MYO15A: variants seen among roughly 807,000 people sequenced by gnomAD.
The protein encoded by MYO15A is unconventional myosin-XV.
A neutral mutation model predicts 394.6 loss-of-function variants in MYO15A; 308 were observed. The observed-to-expected ratio is 0.78, with a 90% CI of 0.71 to 0.86. MYO15A has a LOEUF of 0.86. MYO15A is among the 40% of genes least tolerant of loss of function. The pLI, the probability that MYO15A is intolerant of heterozygous loss-of-function variation, is 0.00. For missense variants in MYO15A, 4,606 were observed against 4,799.1 expected, an observed-to-expected ratio of 0.96 and a Z score of 1.19; for synonymous variants, 1,957 against 2,003.8, an observed-to-expected ratio of 0.98 and a Z score of 0.62.
Position 18,173,867 on chromosome 17 carries a change from G to A in MYO15A, c.10437G>A (p.Glu3479=). ...PTANSSYPYV[E]IALGDVAAQR... ...CCAACTCCAGCTACCCCTATGTGGAGATTGCGCTGGGGGACGTGGCGGCCC... is the reference window on the plus strand; with the variant it reads ...CCAACTCCAGCTACCCCTATGTGGAAATTGCGCTGGGGGACGTGGCGGCCC... The change falls in exon 65 of 66, where the codon GAG becomes GAA. Residue 3479 remains glutamate (E), a synonymous_variant. Coordinates refer to ENST00000647165, the MANE Select transcript of MYO15A (RefSeq NM_016239.4). 1.2e-6 allele frequency: 2 copies of A among 1,613,212 alleles called. No individual in the cohort carries two copies. The highest frequency in any genetic ancestry group is 1.7e-6 in the Non-Finnish European group (2 of 1,179,472).
chr17:18,113,455 A>G (rs1567613522), intron 1 of MYO15A, among the ~76,000 whole-genome samples: 1 of 152,190 alleles, frequency 6.6e-6, no homozygotes, highest in Non-Finnish European at 1.5e-5. Flanking sequence ...TATGGAAATA[A>G]AAAAGCAAAC....
intron 29 of MYO15A, among the ~76,000 whole-genome samples, chr17:18,145,320 G>C (rs964519593): frequency 1.3e-5 from 2 of 151,988 alleles, no homozygotes; most frequent in Non-Finnish European, 2.9e-5. Flanking sequence ...GGGCTGCATG[G>C]GGAGCTCTAG....
intron 64 of MYO15A, chr17:18,173,535 CA>C (rs1205400457): frequency 3.6e-6 from 2 of 562,670 alleles, no homozygotes; most frequent in African/African-American, 3.8e-5. Flanking sequence ...GCACTTAGAA[CA>C]GTGCCTGGTA....
At position 18,132,573 on chromosome 17, in the gene MYO15A, G is replaced by A. The variant is rs1390103410; in HGVS notation, c.4320+7G>A. 4.4e-6 allele frequency: 7 copies of A among 1,608,552 alleles called. No individual in the cohort carries two copies. Among genetic ancestry groups the A allele is most frequent in the Non-Finnish European group, 5.9e-6 (7 of 1,179,130 alleles). ...CTACTACTATCTGAACCAGGTGAGTGCCAGCAGGCATCTGAAGGCCCCTGG... is the reference window on the plus strand; with the variant it reads ...CTACTACTATCTGAACCAGGTGAGTACCAGCAGGCATCTGAAGGCCCCTGG... On this transcript the variant is annotated splice_region_variant and intron_variant, in intron 11 of 65. Coordinates refer to ENST00000647165, the MANE Select transcript of MYO15A (RefSeq NM_016239.4). The surrounding 1 kb of genome is among the most constrained non-coding windows in gnomAD (Gnocchi z 4.6).
In MYO15A at chr17:18,119,289, G is replaced by A. The variant is rs759017151; in HGVS notation, c.489G>A (p.Ser163=). Reference sequence around the variant, plus strand: ...CAGTGGACGCCTGGCTGCAGCGCTCGAGCTCCCGCATGGGCTCCCGCAAAC... The same window carrying A: ...CAGTGGACGCCTGGCTGCAGCGCTCAAGCTCCCGCATGGGCTCCCGCAAAC... ...QATVDAWLQR[S]SSRMGSRKLP... The change falls in exon 2 of 66, where the codon TCG becomes TCA. Residue 163 remains serine (S), a synonymous_variant. Transcript: ENST00000647165. 1.1e-5 allele frequency: 17 copies of A among 1,611,608 alleles called. No homozygotes were observed. Among genetic ancestry groups the A allele is most frequent in the Middle Eastern group, 1.6e-4 (1 of 6,082 alleles).
intron 13 of MYO15A, 88 bp from the exon 14 acceptor site, chr17:18,136,329 C>T: frequency 6.6e-7 from 1 of 1,519,658 alleles, no homozygotes; most frequent in Admixed American, 1.7e-5. Context: ...CCTCCCTTCT[C>T]CATGATCCCA....
intron 12 of MYO15A, 46 bp from the exon 13 acceptor site, chr17:18,135,657 CTTTAAATT>C: frequency 1.3e-6 from 2 of 1,555,498 alleles, no homozygotes. Context: ...TTCATATGAA[CTTTAAATT>C]TAGCCTATCT....
At chr17:18,160,337 T>G (rs2046757131) in intron 56 of MYO15A, among the ~76,000 whole-genome samples, 1 of 152,168 alleles carries the variant, frequency 6.6e-6, no homozygotes. Flanking sequence ...GAAAAGTCAG[T>G]GAGTATGTGG....
In MYO15A at chr17:18,120,507, C is replaced by G; in HGVS notation, c.1707C>G (p.Ala569=). ...TTGGCCGCCCCGTGCCTCGCCCTGC[C>G]ACCTCGCTTGCGCGGTTCCTCAAGA... is the stretch of plus-strand genomic sequence containing the variant. ...PEFGRPVPRP[A]TSLARFLKKT... is the part of the protein sequence containing the mutation. The change falls in exon 2 of 66, where the codon GCC becomes GCG. Residue 569 remains alanine, a synonymous_variant. Transcript: ENST00000647165. 1 of 1,579,628 alleles carries G rather than the reference C, an allele frequency of 6.3e-7. No individual in the cohort carries two copies. The highest frequency in any genetic ancestry group is 8.6e-7 in the Non-Finnish European group (1 of 1,166,116).
rs181229675 is a variant in MYO15A at position 18,155,404 on chromosome 17, G to C, written c.8431G>C (p.Gly2811Arg). The change falls in exon 47 of 66, where the codon GGG becomes CGG. Residue 2811 changes from glycine (G) to arginine (R), a missense_variant. Physicochemically the swap from Gly to Arg is moderately radical, Grantham distance 125. Coordinates refer to ENST00000647165, the MANE Select transcript of MYO15A (RefSeq NM_016239.4). ...RMVKGGQEAG[G>R]QLRVLRAYSF... ...GGTCAAGGGTGGCCAGGAGGCCGGC[G>C]GGCAGCTGCGGGTCCTGCGTGCATA... 6.2e-7 allele frequency: 1 copy of C among 1,613,438 alleles called. No individual in the cohort carries two copies. The highest frequency in any genetic ancestry group is 1.7e-5 in the Admixed American group (1 of 60,024).
At chr17:18,154,571 G>A in intron 44 of MYO15A, 109 bp from the exon 45 acceptor site, 3 of 1,132,554 alleles carry the variant, frequency 2.6e-6, no homozygotes, top group Non-Finnish European at 4.0e-6. Context: ...TGACCCCACT[G>A]CTGCAAAATG....
intron 4 of MYO15A, 104 bp from the exon 5 acceptor site, chr17:18,126,243 A>G: frequency 2.1e-6 from 2 of 959,120 alleles, no homozygotes; most frequent in Non-Finnish European, 3.3e-6. Context: ...GCAGCCAGAT[A>G]TCTGTCCGGA....
chr17:18,124,650 C>G lies in MYO15A; in HGVS notation c.3692+85C>G, dbSNP rs1597764169. Reference sequence around the variant, plus strand: ...GCCAGAGCAGCTCCTCCTGCAGTTGCCTCTCACCTCCCAGGACATTTTCAG... The same window carrying G: ...GCCAGAGCAGCTCCTCCTGCAGTTGGCTCTCACCTCCCAGGACATTTTCAG... On this transcript the variant is annotated intron_variant, in intron 3 of 65. Coordinates refer to ENST00000647165, the MANE Select transcript of MYO15A (RefSeq NM_016239.4). 8 of 1,278,030 alleles carry G rather than the reference C, an allele frequency of 6.3e-6. No homozygotes were observed. In the East Asian group the frequency reaches 1.9e-4, roughly 31 times the overall value. 79.2% of individuals were successfully genotyped at this position (1,278,030 alleles called of 1,614,324 possible).
rs769317162 is a variant in MYO15A, at chr17:18,120,758, C to T, written c.1958C>T (p.Thr653Ile). The change falls in exon 2 of 66, where the codon ACC (threonine) becomes ATC (isoleucine). Residue 653 changes from threonine to isoleucine, a missense_variant. Transcript: ENST00000647165. Reference sequence around the variant, plus strand: ...CCCGCGCCACAGCCCGCGCCCAGGACCCTCTCCCACTGGAGCGCGCTCCTG... The same window carrying T: ...CCCGCGCCACAGCCCGCGCCCAGGATCCTCTCCCACTGGAGCGCGCTCCTG... The part of the protein sequence containing the change: ...RPPAPQPAPR[T>I]LSHWSALLSP... The T allele has an allele frequency of 1.0e-5, 15 of 1,448,578 alleles. No homozygotes were observed. The South Asian group carries it at 2.0e-4, about 20-fold the overall frequency. The allele number at this position is 1,448,578 out of a possible 1,614,324, so 89.7% of individuals were successfully genotyped here. A position where few individuals can be genotyped will look rare whatever the true frequency, so the allele number is the denominator to read the frequency against.
In MYO15A at chr17:18,178,745, G is replaced by A. The variant is rs189294429; in HGVS notation, c.10492-24G>A. 78 of 1,609,122 alleles carry A rather than the reference G, an allele frequency of 4.8e-5. 1 individual carries two copies. In the South Asian group the frequency reaches 6.0e-4, roughly 12 times the overall value. ...AGAGCTGGGGAAGTGTTGGATGGGC[G>A]TGGACTGTCACTGTCACCTGCAGGG... is the stretch of plus-strand genomic sequence containing the variant. On this transcript the variant is annotated intron_variant, in intron 65 of 65. Coordinates refer to ENST00000647165, the MANE Select transcript of MYO15A (RefSeq NM_016239.4).
At chr17:18,126,670 C>A in intron 5 of MYO15A, 121 bp from the exon 6 acceptor site, 1 of 1,271,664 alleles carries the variant, frequency 7.9e-7, no homozygotes, top group East Asian at 2.3e-5. Context: ...GAGCATTCCC[C>A]CAACAGGGTG....
At chr17:18,165,599 T>G (rs1031626958) in intron 60 of MYO15A, among the ~76,000 whole-genome samples, 2 of 152,220 alleles carry the variant, frequency 1.3e-5, no homozygotes. Flanking sequence ...ATCATCTCCA[T>G]CTCCACATCC....
chr17:18,131,365 C>G, intron 9 of MYO15A, 23 bp downstream of exon 9: 1 of 1,613,044 alleles, frequency 6.2e-7, no homozygotes, highest in South Asian at 1.1e-5. Flanking sequence ...AGTGGAGGGC[C>G]TCCCAAAAGC....
Position 18,148,756 on chromosome 17 carries a change from A to G in MYO15A, c.6765-5A>G. ...CATTTCCATTCCTGTGCATGCCATCACCAGGGGGCTGGCAGATGGCTGGCG... is the reference window on the plus strand; with the variant it reads ...CATTTCCATTCCTGTGCATGCCATCGCCAGGGGGCTGGCAGATGGCTGGCG... On this transcript the variant is annotated splice_polypyrimidine_tract_variant and splice_region_variant and intron_variant, in intron 32 of 65. Transcript: ENST00000647165. The surrounding 1 kb of genome is among the most constrained non-coding windows in gnomAD (Gnocchi z 4.8). 6.3e-7 allele frequency: 1 copy of G among 1,593,362 alleles called. No individual in the cohort carries two copies. Among genetic ancestry groups the G allele is most frequent in the African/African-American group, 1.3e-5 (1 of 74,518 alleles).
Sources: gnomAD v4.1 joint callset for allele counts (sites outside exome capture counted in the v4.1 genomes callset) on GRCh38, gnomAD v4.1.1 for gene constraint, Gnocchi (gnomAD v3.1) non-coding constraint, MANE v1.5 for transcripts, NCBI Gene and HGNC (gene_info 2026-07-23, HGNC 2026-07-21) for gene names.